The following COBLL1 variants were observed in gnomAD, a reference collection of about 807,000 sequenced individuals.
COBLL1 encodes the protein cordon-bleu WH2 repeat protein like 1, also known as cordon-bleu protein-like 1.
A neutral mutation model predicts 94.8 loss-of-function variants in COBLL1; 50 were observed. The observed-to-expected ratio is 0.53, with a 90% confidence interval of 0.42 to 0.67. The LOEUF is 0.67. Among genes scored for constraint, COBLL1 ranks in the 30% least tolerant of loss-of-function variants. The pLI is 0.00. For synonymous variants in COBLL1, 448 were observed against 473.8 expected, an observed-to-expected ratio of 0.95 and a Z score of 0.71; for missense variants, 1,362 against 1,348.7, an observed-to-expected ratio of 1.01 and a Z score of -0.15.
chr2:164,727,688 C>CA (rs5835991), intron 5 of COBLL1, among the ~76,000 whole-genome samples: 59,347 of 137,024 alleles, frequency 0.43, 11,991 homozygotes, highest in Non-Finnish European at 0.45. Flanking sequence ...TAAATCCTAC[C>CA]AAAAAAAAAA....
Position 164,705,015 on chromosome 2 carries a change from T to G in COBLL1, c.1087A>C (p.Lys363Gln). Residue 363 changes from lysine (K) to glutamine (Q), a missense_variant, in exon 8 of 14, where the codon AAA (lysine) becomes CAA (glutamine). By Grantham distance (53) the Lys-to-Gln change is moderately conservative. Transcript: ENST00000652658. ...GNSSLRRTKRKAPSPPSKIPP... is the reference protein window; with the variant it reads ...GNSSLRRTKRQAPSPPSKIPP... The stretch of plus-strand genomic sequence containing the variant: ...ATTTTGGAGGGTGGGGAAGGTGCTT[T>G]TCGCTTTGTCCTTCTCAAAGATGAA... The G allele has an allele frequency of 6.2e-7, 1 of 1,605,666 alleles. No homozygotes were observed. The highest frequency in any genetic ancestry group is 8.5e-7 in the Non-Finnish European group (1 of 1,176,230).
At chr2:164,726,533 T>C (rs541417049) in intron 5 of COBLL1, among the ~76,000 whole-genome samples, 1 of 152,256 alleles carries the variant, frequency 6.6e-6, no homozygotes, top group Non-Finnish European at 1.5e-5. Flanking sequence ...TCACATACCA[T>C]AACCCTACCA....
At chr2:164,731,693 C>T (rs905168982) in intron 3 of COBLL1, among the ~76,000 whole-genome samples, 2 of 152,112 alleles carry the variant, frequency 1.3e-5, no homozygotes, top group African/African-American at 2.4e-5. Context: ...CATCCCACCT[C>T]GAAAGGGAAA....
intron 2 of COBLL1, among the ~76,000 whole-genome samples, chr2:164,792,068 C>G (rs541789652): frequency 6.6e-6 from 1 of 151,868 alleles, no homozygotes; most frequent in South Asian, 2.1e-4. Context: ...ATACACTTCC[C>G]GAAGCAATCC....
intron 2 of COBLL1, among the ~76,000 whole-genome samples, chr2:164,835,180 A>T (rs892192597): frequency 6.6e-6 from 1 of 152,226 alleles, no homozygotes; most frequent in Non-Finnish European, 1.5e-5. Flanking sequence ...CACCCAAAAG[A>T]ACTGAAAGTA....
chr2:164,699,528 G>A (rs2105441886), intron 10 of COBLL1, 29 bp from the exon 11 acceptor site: 1 of 1,327,394 alleles, frequency 7.5e-7, no homozygotes, highest in Non-Finnish European at 1.1e-6. Context: ...TATGTTATAT[G>A]TTGATACTAT....
Position 164,692,276 on chromosome 2 carries a change from C to T in COBLL1, c.3245G>A (p.Arg1082Gln), listed in dbSNP as rs745726015. The T allele has an allele frequency of 3.3e-5, 53 of 1,612,814 alleles. No homozygotes were observed. Among genetic ancestry groups the T allele is most frequent in the South Asian group, 2.8e-4 (25 of 90,882 alleles). The change falls in exon 13 of 14, where the codon CGA becomes CAA. Residue 1082 changes from arginine to glutamine, a missense_variant. Coordinates refer to ENST00000652658, the MANE Select transcript of COBLL1 (RefSeq NM_001365672.2). ...ACGGATTGCAGTCAGCAAACTCTGT[C>T]GCATCTGTTCTGGGTCAGAGCTTTG... ...TFQSSDPEQM[R>Q]QSLLTAIRSG... is the part of the protein sequence containing the mutation.
At chr2:164,673,413 G>A (rs1167252688) in intron 1 of COBLL1, among the ~76,000 whole-genome samples, 11 of 152,254 alleles carry the variant, frequency 7.2e-5, no homozygotes, top group Non-Finnish European at 8.8e-5. Flanking sequence ...AGTGGCTCAC[G>A]CATGTAATCC....
At position 164,686,029 on chromosome 2, in the gene COBLL1, T is replaced by C; in HGVS notation, c.3304A>G (p.Thr1102Ala). The change falls in exon 14 of 14, where the codon ACC becomes GCC. Residue 1102 changes from threonine to alanine, a missense_variant. Coordinates refer to ENST00000652658, the MANE Select transcript of COBLL1 (RefSeq NM_001365672.2). ...GEAAAKLKRV[T>A]IPSNTISVNG... ...ACAGATATTGTATTTGATGGAATGG[T>C]AACCTAAGAGAAAGAAACACACTTT... The C allele has an allele frequency of 1.3e-6, 2 of 1,584,828 alleles. No individual in the cohort carries two copies. Among genetic ancestry groups the C allele is most frequent in the Non-Finnish European group, 1.7e-6 (2 of 1,157,924 alleles).
intron 8 of COBLL1, 86 bp from the exon 9 acceptor site, chr2:164,704,604 G>A (rs1345696418): frequency 8.7e-7 from 1 of 1,150,100 alleles, no homozygotes; most frequent in African/African-American, 1.5e-5. Flanking sequence ...ATATAGTTCA[G>A]AAAGCAGTAA....
chr2:164,799,515 A>G (rs867870289), intron 2 of COBLL1, among the ~76,000 whole-genome samples: 52 of 152,248 alleles, frequency 3.4e-4, no homozygotes, highest in Non-Finnish European at 1.5e-4. Flanking sequence ...GACTCAGTAC[A>G]GTGAAGATTC....
chr2:164,744,995 T>G (rs2219118), intron 2 of COBLL1, among the ~76,000 whole-genome samples: 43,400 of 152,076 alleles, frequency 0.29, 6,314 homozygotes, highest in East Asian at 0.33. Flanking sequence ...TTTTTGAAAC[T>G]ATTACCTTTA....
intron 1 of COBLL1, among the ~76,000 whole-genome samples, chr2:164,674,872 CTG>C (rs1691310959): frequency 6.6e-6 from 1 of 152,214 alleles, no homozygotes; most frequent in Non-Finnish European, 1.5e-5. Context: ...ATGTTGGTAA[CTG>C]AGATTTGAAA....
chr2:164,671,868 T>C (rs905773107), intron 1 of COBLL1, among the ~76,000 whole-genome samples: 2 of 152,140 alleles, frequency 1.3e-5, no homozygotes, highest in African/African-American at 4.8e-5. Flanking sequence ...TTCAATCAGA[T>C]ACAGCTGCCT....
At chr2:164,695,906 T>C in intron 11 of COBLL1, 70 bp from the exon 12 acceptor site, 1 of 1,194,416 alleles carries the variant, frequency 8.4e-7, no homozygotes, top group Non-Finnish European at 1.2e-6. Context: ...AATGCCTACT[T>C]TCTCCAACCT....
At chr2:164,774,061 T>A (rs747270377) in intron 2 of COBLL1, among the ~76,000 whole-genome samples, 1 of 152,186 alleles carries the variant, frequency 6.6e-6, no homozygotes, top group African/African-American at 2.4e-5. Flanking sequence ...TCTCAACATA[T>A]ACAAAATCTT....
intron 2 of COBLL1, among the ~76,000 whole-genome samples, chr2:164,806,399 G>C (rs1352379557): frequency 6.6e-6 from 1 of 152,100 alleles, no homozygotes; most frequent in Non-Finnish European, 1.5e-5. Flanking sequence ...CTTAGTAACA[G>C]CAATTTAATT....
intron 13 of COBLL1, chr2:164,687,513 G>T: frequency 1.4e-6 from 2 of 1,427,620 alleles, no homozygotes; most frequent in South Asian, 1.1e-5. Flanking sequence ...TGGTGCGGAC[G>T]GACATGGTAA....
chr2:164,841,346 C>T lies in COBLL1; in HGVS notation c.-50-100G>A. 3.3e-6 allele frequency: 4 copies of T among 1,195,972 alleles called. No individual in the cohort carries two copies. Among genetic ancestry groups the T allele is most frequent in the Non-Finnish European group, 2.1e-6 (2 of 965,044 alleles). The allele number at this position is 1,195,972 out of a possible 1,614,324, so 74.1% of individuals were successfully genotyped here. A position where few individuals can be genotyped will look rare whatever the true frequency, so the allele number is the denominator to read the frequency against. On this transcript the variant is annotated intron_variant, in intron 1 of 13. Transcript: ENST00000652658. This position sits in a 1 kb window ranked among gnomAD's most constrained non-coding sequence, Gnocchi z 5.5. ...CAAGAGCCCGCCCGAGCCGCTCCAGCCCCGGCCGGCCCGCCTCCCGGGTGC... is the reference window on the plus strand; with the variant it reads ...CAAGAGCCCGCCCGAGCCGCTCCAGTCCCGGCCGGCCCGCCTCCCGGGTGC...
Sources: allele counts gnomAD v4.1 joint callset (sites outside exome capture counted in the v4.1 genomes callset), GRCh38; gene constraint gnomAD v4.1.1; non-coding constraint Gnocchi (gnomAD v3.1); transcripts MANE v1.5; gene names NCBI Gene and HGNC (gene_info 2026-07-23, HGNC 2026-07-21).